The following TAFA2 variants were observed in gnomAD, a reference collection of about 807,000 sequenced individuals.
TAFA2 encodes TAFA chemokine like family member 2.
In TAFA2, 7 loss-of-function variants were observed where a neutral mutation model predicts 18.8. That is an observed-to-expected ratio of 0.37 (90% CI 0.21 to 0.70). TAFA2 has a LOEUF of 0.70. Among genes scored for constraint, TAFA2 ranks in the 30% least tolerant of loss-of-function variants. The pLI is 0.53. For synonymous variants in TAFA2, 60 were observed against 54.2 expected (o/e 1.11, Z -0.47); for missense variants, 122 against 158.1 (o/e 0.77, Z 1.23).
intron 1 of TAFA2, among the ~76,000 whole-genome samples, chr12:62,029,808 C>CCCAT (rs1881405444): frequency 9.3e-6 from 1 of 107,522 alleles, no homozygotes; most frequent in Non-Finnish European, 1.9e-5. Flanking sequence ...TAAATGTCTT[C>CCCAT]CTATCTCTCT....
chr12:61,959,958 T>C (rs1450194041), intron 1 of TAFA2, among the ~76,000 whole-genome samples: 5 of 151,916 alleles, frequency 3.3e-5, no homozygotes, highest in African/African-American at 1.2e-4. Context: ...ACTACAGTCT[T>C]GAACACCTGG....
At chr12:61,732,431 G>C (rs1870495737) in intron 4 of TAFA2, among the ~76,000 whole-genome samples, 1 of 152,128 alleles carries the variant, frequency 6.6e-6, no homozygotes. Flanking sequence ...GGCAAAAGCA[G>C]ACATGGTCCT....
intron 2 of TAFA2, among the ~76,000 whole-genome samples, chr12:61,834,532 G>A (rs1224798505): frequency 6.6e-6 from 1 of 152,006 alleles, no homozygotes; most frequent in Non-Finnish European, 1.5e-5. Flanking sequence ...GAGAACACCT[G>A]CAGGTTATAA....
At chr12:62,074,343 G>A (rs1882707521) in intron 1 of TAFA2, among the ~76,000 whole-genome samples, 2 of 152,066 alleles carry the variant, frequency 1.3e-5, no homozygotes, top group African/African-American at 4.8e-5. Flanking sequence ...GCTTAATCTT[G>A]AAATTAAAGG....
intron 2 of TAFA2, among the ~76,000 whole-genome samples, chr12:61,764,965 T>C (rs757031005): frequency 2.0e-5 from 3 of 152,072 alleles, no homozygotes; most frequent in East Asian, 1.9e-4. Context: ...CAAATAGTAA[T>C]ATAGGACAGT....
chr12:62,067,255 T>A (rs1418520574), intron 1 of TAFA2, among the ~76,000 whole-genome samples: 1 of 151,748 alleles, frequency 6.6e-6, no homozygotes, highest in African/African-American at 2.4e-5. Flanking sequence ...TTTCTCCCAT[T>A]CTTTGGGTTG....
At chr12:61,964,906 T>C (rs1437205527) in intron 1 of TAFA2, among the ~76,000 whole-genome samples, 13 of 151,860 alleles carry the variant, frequency 8.6e-5, no homozygotes. Flanking sequence ...AAATAATTAT[T>C]TATTTACACA....
intron 1 of TAFA2, among the ~76,000 whole-genome samples, chr12:62,243,712 C>G (rs989932620): frequency 1.2e-4 from 18 of 152,174 alleles, no homozygotes; most frequent in Admixed American, 3.9e-4. Context: ...CAGTTAACAT[C>G]AAACAAAGTT....
At position 62,048,303 on chromosome 12, in the gene TAFA2, C is replaced by T. The variant is rs933423394; in HGVS notation, c.-2+142956G>A. 2.6e-5 allele frequency among the ~76,000 whole-genome samples: 4 copies of T among 152,242 alleles called. No homozygotes were observed. In the East Asian group the frequency reaches 7.7e-4, roughly 29 times the overall value. On this transcript the variant is annotated intron_variant, in intron 1 of 4. Transcript: ENST00000416284. ...TCTTGCCAAGGAAGCAGGGAGGAGA[C>T]GTACCAAGCAAAGTGGGAAGAGCCT... is the stretch of plus-strand genomic sequence containing the variant.
intron 1 of TAFA2, among the ~76,000 whole-genome samples, chr12:62,157,636 C>T (rs1181094481): frequency 1.3e-5 from 2 of 152,152 alleles, no homozygotes; most frequent in African/African-American, 2.4e-5. Flanking sequence ...GCTGTCCGCT[C>T]CTCAGTTTTC....
chr12:62,166,741 CAT>C (rs2062443033), intron 1 of TAFA2, among the ~76,000 whole-genome samples: 1 of 152,156 alleles, frequency 6.6e-6, no homozygotes, highest in African/African-American at 2.4e-5. Context: ...ACAAGTTCCA[CAT>C]AGTTAGAAGT....
At chr12:62,209,323 T>C (rs903967214) in intron 1 of TAFA2, among the ~76,000 whole-genome samples, 2 of 152,214 alleles carry the variant, frequency 1.3e-5, no homozygotes, top group East Asian at 1.9e-4. Flanking sequence ...CTCTTCCCCC[T>C]TCACTCAAAA....
chr12:61,971,737 G>A (rs12422978), intron 1 of TAFA2, among the ~76,000 whole-genome samples: 14,236 of 151,122 alleles, frequency 0.094, 895 homozygotes, highest in East Asian at 0.29. Context: ...GTAGGGGGCT[G>A]GGGGAGGGAT....
chr12:62,187,065 G>T (rs2062591074), intron 1 of TAFA2, among the ~76,000 whole-genome samples: 1 of 152,108 alleles, frequency 6.6e-6, no homozygotes, highest in Non-Finnish European at 1.5e-5. Flanking sequence ...AACGAGAATA[G>T]TACACGCCAA....
rs1311645179 is a variant in TAFA2, at chr12:62,100,155, A to ACACACACACG, written c.-2+91103_-2+91104insCGTGTGTGTG. ...ACTCCCTCTACACACACACACACAC[A>ACACACACACG]CACACACACACACACAGCCCTTCAA... On this transcript the variant is annotated intron_variant, in intron 1 of 4. Transcript: ENST00000416284. 3.9e-4 allele frequency among the ~76,000 whole-genome samples: 59 copies of ACACACACACG among 151,716 alleles called. No individual in the cohort carries two copies. In the South Asian group the frequency reaches 4.8e-3, roughly 12 times the overall value.
chr12:61,862,227 T>C (rs564872275), intron 2 of TAFA2, among the ~76,000 whole-genome samples: 3 of 152,332 alleles, frequency 2.0e-5, no homozygotes, highest in South Asian at 2.1e-4. Flanking sequence ...CTAATGTAAT[T>C]GCTTCCAAGG....
intron 2 of TAFA2, among the ~76,000 whole-genome samples, chr12:61,852,095 T>C (rs1386054689): frequency 3.3e-5 from 5 of 150,406 alleles, no homozygotes; most frequent in Non-Finnish European, 7.4e-5. Flanking sequence ...TAATCCCAGC[T>C]ACTCAAGAGG....
At chr12:61,807,751 G>A (rs930881278) in intron 2 of TAFA2, among the ~76,000 whole-genome samples, 1 of 151,484 alleles carries the variant, frequency 6.6e-6, no homozygotes, top group African/African-American at 2.5e-5. Context: ...GGAGTCAAAG[G>A]AGATCATTTT....
At chr12:62,176,540 A>G (rs1421845988) in intron 1 of TAFA2, among the ~76,000 whole-genome samples, 2 of 152,244 alleles carry the variant, frequency 1.3e-5, no homozygotes, top group African/African-American at 4.8e-5. Flanking sequence ...TTTATTGAAG[A>G]GTTAGAGCTT....
Sources: allele counts gnomAD v4.1 joint callset (sites outside exome capture counted in the v4.1 genomes callset), GRCh38; gene constraint gnomAD v4.1.1; transcripts MANE v1.5; gene names NCBI Gene and HGNC (gene_info 2026-07-23, HGNC 2026-07-21).